GRID1: variants seen among roughly 807,000 people sequenced by gnomAD.
GRID1 encodes the protein glutamate receptor ionotropic, delta-1.
A neutral mutation model predicts 98.0 loss-of-function variants in GRID1; 28 were observed. The observed-to-expected ratio is 0.29, with a 90% CI of 0.21 to 0.39. The LOEUF is 0.39. GRID1 is among the 10% of genes least tolerant of loss of function. The probability of loss-of-function intolerance (pLI) is 1.00; values close to 1 mark genes in which losing one functional copy is unlikely to be tolerated. For synonymous variants in GRID1, 553 were observed against 538.5 expected (o/e 1.03, Z -0.37); for missense variants, 1,111 against 1,340.5 (o/e 0.83, Z 2.67).
chr10:85,949,132 G>A (rs2131842546), intron 4 of GRID1, among the ~76,000 whole-genome samples: 1 of 152,218 alleles, frequency 6.6e-6, no homozygotes, highest in Admixed American at 6.5e-5. Context: ...GTGCGGGAGG[G>A]GAAGGGCAGC....
intron 2 of GRID1, among the ~76,000 whole-genome samples, chr10:86,319,077 A>T (rs1479496751): frequency 1.3e-5 from 2 of 152,122 alleles, no homozygotes; most frequent in Non-Finnish European, 2.9e-5. Flanking sequence ...TGGGAGTGCA[A>T]CGACTCTGAG....
At chr10:85,779,209 G>A (rs11201792) in intron 8 of GRID1, among the ~76,000 whole-genome samples, 2,193 of 151,976 alleles carry the variant, frequency 0.014, 77 homozygotes, top group Admixed American at 0.073. Flanking sequence ...GGACCTTGTC[G>A]AATTTGCTGC....
At chr10:86,013,654 G>A (rs1842945718) in intron 4 of GRID1, among the ~76,000 whole-genome samples, 1 of 152,082 alleles carries the variant, frequency 6.6e-6, no homozygotes. Flanking sequence ...CCTTCCTGAG[G>A]TCCATAGCAA....
At chr10:85,997,206 C>T (rs967223017) in intron 4 of GRID1, among the ~76,000 whole-genome samples, 12 of 152,002 alleles carry the variant, frequency 7.9e-5, no homozygotes, top group Non-Finnish European at 7.4e-5. Flanking sequence ...TCAAGAGATG[C>T]CTGGCCAAGA....
chr10:86,241,948 C>G (rs532062361), intron 2 of GRID1, among the ~76,000 whole-genome samples: 1 of 152,234 alleles, frequency 6.6e-6, no homozygotes, highest in Non-Finnish European at 1.5e-5. Flanking sequence ...ATGCAAGGAT[C>G]GAGCTTCACC....
intron 12 of GRID1, among the ~76,000 whole-genome samples, chr10:85,703,274 C>T (rs886867272): frequency 6.6e-6 from 1 of 151,924 alleles, no homozygotes; most frequent in Non-Finnish European, 1.5e-5. Context: ...GCTACTCCAG[C>T]TGATAAAAAA....
chr10:85,851,837 C>A (rs1564609625), intron 8 of GRID1, among the ~76,000 whole-genome samples: 1 of 152,056 alleles, frequency 6.6e-6, no homozygotes, highest in Non-Finnish European at 1.5e-5. Flanking sequence ...CTGATCTTGG[C>A]ACTGTTTTGG....
At chr10:86,086,123 G>GCCCT (rs529270764) in intron 4 of GRID1, among the ~76,000 whole-genome samples, 1,751 of 152,040 alleles carry the variant, frequency 0.012, 20 homozygotes, top group Middle Eastern at 0.02. Flanking sequence ...CCCCCAAGAA[G>GCCCT]CCCTCCCTGA....
intron 2 of GRID1, among the ~76,000 whole-genome samples, chr10:86,233,119 G>A (rs1024237877): frequency 6.6e-6 from 1 of 152,102 alleles, no homozygotes; most frequent in African/African-American, 2.4e-5. Flanking sequence ...GGGACAGGAT[G>A]TGACACCCAC....
At chr10:85,672,602 G>T (rs541452287) in intron 12 of GRID1, among the ~76,000 whole-genome samples, 1 of 151,900 alleles carries the variant, frequency 6.6e-6, no homozygotes, top group Non-Finnish European at 1.5e-5. Context: ...CCCCACGCCC[G>T]GCCTCTGTGC....
At position 86,348,954 on chromosome 10, in the gene GRID1, C is replaced by A. The variant is rs577157944; in HGVS notation, c.235+14987G>T. 9.8e-5 allele frequency among the ~76,000 whole-genome samples: 15 copies of A among 152,362 alleles called. No homozygotes were observed. The South Asian group carries it at 2.9e-3, about 29-fold the overall frequency. ...TACAGAGCTTCAAAGCCCTTCTAGC[C>A]CCTGCTCACCAGGAAGGGTCCAGCT... On this transcript the variant is annotated intron_variant, in intron 2 of 15. Transcript: ENST00000327946.
Position 86,366,223 on chromosome 10 carries a change from G to C in GRID1, c.79+91C>G. On this transcript the variant is annotated intron_variant, in intron 1 of 15. Transcript: ENST00000327946. This position sits in a 1 kb window ranked among gnomAD's most constrained non-coding sequence, Gnocchi z 4.1. ...GGGAGCACCGCCCGCCGAGCCCCTC[G>C]GCCCAGGGAAACGCCAAGTTTGGAC... 1 of 858,382 alleles carries C rather than the reference G, an allele frequency of 1.2e-6. No homozygotes were observed. The highest frequency in any genetic ancestry group is 1.7e-6 in the Non-Finnish European group (1 of 604,550). The allele number at this position is 858,382 out of a possible 1,614,324, so 53.2% of individuals were successfully genotyped here.
intron 4 of GRID1, among the ~76,000 whole-genome samples, chr10:86,046,861 C>CAAAAAAA (rs199526669): frequency 1.9e-5 from 2 of 107,692 alleles, no homozygotes; most frequent in African/African-American, 7.0e-5. Flanking sequence ...AAGCCCATTT[C>CAAAAAAA]AAAAAAAAAA....
At chr10:85,926,083 G>A (rs1166194171) in intron 4 of GRID1, among the ~76,000 whole-genome samples, 1 of 152,276 alleles carries the variant, frequency 6.6e-6, no homozygotes, top group Middle Eastern at 3.4e-3. Context: ...TTTAGTTCTG[G>A]AGATATAAGC....
chr10:86,105,699 G>GC (rs1188228508), intron 4 of GRID1, among the ~76,000 whole-genome samples: 3 of 152,180 alleles, frequency 2.0e-5, no homozygotes, highest in Non-Finnish European at 4.4e-5. Flanking sequence ...AGAGAAAGAT[G>GC]CCATCCCCCC....
chr10:85,661,039 T>G (rs1174587688), intron 12 of GRID1, among the ~76,000 whole-genome samples: 1 of 152,202 alleles, frequency 6.6e-6, no homozygotes, highest in African/African-American at 2.4e-5. Flanking sequence ...GCTATCGTTA[T>G]GAGCTTCAGT....
chr10:85,780,733 A>G (rs1842374020), intron 8 of GRID1, among the ~76,000 whole-genome samples: 1 of 152,204 alleles, frequency 6.6e-6, no homozygotes, highest in African/African-American at 2.4e-5. Flanking sequence ...ATGCTGTGGG[A>G]TCCTGGGTGA....
At chr10:85,628,060 G>T (rs867638104) in intron 13 of GRID1, among the ~76,000 whole-genome samples, 2 of 152,028 alleles carry the variant, frequency 1.3e-5, no homozygotes, top group Admixed American at 1.3e-4. Context: ...ATATGTGTAA[G>T]TGTGAGGGAG....
At chr10:85,957,796 G>T (rs1842214244) in intron 4 of GRID1, among the ~76,000 whole-genome samples, 1 of 152,166 alleles carries the variant, frequency 6.6e-6, no homozygotes, top group Non-Finnish European at 1.5e-5. Context: ...CCCTAAGCTT[G>T]GGAGAGGAGA....
Sources: gnomAD v4.1 joint callset for allele counts (sites outside exome capture counted in the v4.1 genomes callset) on GRCh38, gnomAD v4.1.1 for gene constraint, Gnocchi (gnomAD v3.1) non-coding constraint, MANE v1.5 for transcripts, NCBI Gene and HGNC (gene_info 2026-07-23, HGNC 2026-07-21) for gene names.